The following STIL variants were observed in gnomAD, a reference collection of about 807,000 sequenced individuals.
STIL encodes SCL-interrupting locus protein.
Under a neutral mutation model 110.1 loss-of-function variants are expected in STIL, and 55 were observed. That is an observed-to-expected ratio of 0.50 (90% CI 0.40 to 0.63). The LOEUF is 0.63. STIL is among the 20% of genes least tolerant of loss of function. The probability of loss-of-function intolerance (pLI) is 0.00; values close to 1 mark genes in which losing one functional copy is unlikely to be tolerated. For synonymous variants in STIL, 481 were observed against 530.0 expected (o/e 0.91, Z 1.27); for missense variants, 1,358 against 1,530.0 (o/e 0.89, Z 1.87).
intron 2 of STIL, among the ~76,000 whole-genome samples, chr1:47,307,320 C>T (rs532934374): frequency 6.6e-6 from 1 of 152,026 alleles, no homozygotes; most frequent in Non-Finnish European, 1.5e-5. Context: ...TGTCTTGTTG[C>T]GGGAAGTCAG....
At position 47,269,875 on chromosome 1, in the gene STIL, T is replaced by C. The variant is rs748378165; in HGVS notation, c.2384-9A>G. The C allele has an allele frequency of 6.2e-7, 1 of 1,605,846 alleles. No homozygotes were observed. Among genetic ancestry groups the C allele is most frequent in the African/African-American group, 1.3e-5 (1 of 74,754 alleles). On this transcript the variant is annotated splice_polypyrimidine_tract_variant and intron_variant, in intron 13 of 16. Transcript: ENST00000371877. ...CCAAAACAAGCTAGCACCTGGAGGTTAAATAATTTAAGATACTGAAACAAA... is the reference window on the plus strand; with the variant it reads ...CCAAAACAAGCTAGCACCTGGAGGTCAAATAATTTAAGATACTGAAACAAA...
chr1:47,270,159 G>A (rs940853438), intron 13 of STIL, among the ~76,000 whole-genome samples: 2 of 150,584 alleles, frequency 1.3e-5, no homozygotes, highest in Non-Finnish European at 2.9e-5. Context: ...GATCACTTGA[G>A]CCCAGGAGGT....
rs971495958 is a variant in STIL at position 47,251,452 on chromosome 1, C to G, written c.3551G>C (p.Cys1184Ser). The G allele has an allele frequency of 1.8e-5, 29 of 1,614,078 alleles. No individual in the cohort carries two copies. The highest frequency in any genetic ancestry group is 1.6e-4 in the Middle Eastern group (1 of 6,084). ...ATCTGCGTTGGTCCCCACAGATTCA[C>G]AGTTAGAACAATTAATTATTTCATG... The part of the protein sequence containing the change: ...NDHEIINCSN[C>S]ESVGTNADTP... Residue 1184 changes from cysteine to serine, a missense_variant, in exon 17 of 17, where the codon TGT becomes TCT. By Grantham distance (112) the Cys-to-Ser change is moderately radical. Transcript: ENST00000371877.
intron 6 of STIL, among the ~76,000 whole-genome samples, chr1:47,296,883 A>G (rs1032091260): frequency 3.9e-5 from 6 of 152,244 alleles, no homozygotes; most frequent in African/African-American, 1.4e-4. Context: ...GATATATTTT[A>G]TTGCTCTAAT....
intron 12 of STIL, among the ~76,000 whole-genome samples, chr1:47,278,316 TAAAAAATGTATAA>T (rs1279695597): frequency 6.6e-6 from 1 of 152,122 alleles, no homozygotes; most frequent in African/African-American, 2.4e-5. Context: ...TATACTTATA[TAAAAAATGTATAA>T]GATACTTTTT....
intron 2 of STIL, among the ~76,000 whole-genome samples, chr1:47,307,578 A>G (rs1312054892): frequency 6.6e-6 from 1 of 152,138 alleles, no homozygotes; most frequent in Non-Finnish European, 1.5e-5. Context: ...AAGGATGTAT[A>G]TCGTCTCAGG....
chr1:47,293,542 C>A lies in STIL; in HGVS notation c.788G>T (p.Trp263Leu), dbSNP rs752431208. 1 of 1,611,348 alleles carries A rather than the reference C, an allele frequency of 6.2e-7. No individual in the cohort carries two copies. The highest frequency in any genetic ancestry group is 8.5e-7 in the Non-Finnish European group (1 of 1,178,048). ...KVYSLPLVGIWLSGITHIYSP... is the reference protein window; with the variant it reads ...KVYSLPLVGILLSGITHIYSP... ...ATAGATATGTGTAATTCCAGACAGC[C>A]AACTAAAAGAAAAAGATAGAAATTA... Residue 263 changes from tryptophan (W) to leucine (L), a missense_variant and splice_region_variant, in exon 8 of 17, where the codon TGG (tryptophan) becomes TTG (leucine). Coordinates refer to ENST00000371877, the MANE Select transcript of STIL (RefSeq NM_001048166.1).
chr1:47,271,029 A>C (rs1644820014), intron 13 of STIL, among the ~76,000 whole-genome samples: 1 of 152,090 alleles, frequency 6.6e-6, no homozygotes. Flanking sequence ...AGCTATTTGC[A>C]TGTAATATTG....
chr1:47,299,646 G>C (rs1645745482), intron 6 of STIL: 1 of 397,460 alleles, frequency 2.5e-6, no homozygotes. Flanking sequence ...GCCCGCCTAG[G>C]CCTCCCAAAG....
At chr1:47,301,480 A>G in intron 5 of STIL, 81 bp downstream of exon 5, 1 of 1,366,170 alleles carries the variant, frequency 7.3e-7, no homozygotes, top group Non-Finnish European at 1.0e-6. Flanking sequence ...ATTCTCAAAT[A>G]TGGTTTTACT....
rs762952013 is a variant in STIL at position 47,282,408 on chromosome 1, A to G, written c.1185T>C (p.Ser395=). ...SGKMPIHDHD[S]GVEDEDFSPR... Reference sequence around the variant, plus strand: ...GAGAAAAATCTTCATCTTCAACACCAGAGTCGTGATCATGTATTGGCATCT... The same window carrying G: ...GAGAAAAATCTTCATCTTCAACACCGGAGTCGTGATCATGTATTGGCATCT... Residue 395 remains serine, a synonymous_variant, in exon 11 of 17, where the codon TCT becomes TCC. Coordinates refer to ENST00000371877, the MANE Select transcript of STIL (RefSeq NM_001048166.1). 39 of 1,613,286 alleles carry G rather than the reference A, an allele frequency of 2.4e-5. No individual in the cohort carries two copies. Among genetic ancestry groups the G allele is most frequent in the African/African-American group, 4.0e-5 (3 of 74,928 alleles).
chr1:47,278,800 T>TA lies in STIL; in HGVS notation c.2217+1440dup, dbSNP rs1234942797. ...GGGCAATATAGGAAGACCTTTTCTC[T>TA]AAAAAAAAAAGTAAAAATTTTAAAA... On this transcript the variant is annotated intron_variant, in intron 12 of 16. Transcript: ENST00000371877. Among the ~76,000 whole-genome samples, 902 of 145,704 alleles carry TA rather than the reference T, an allele frequency of 6.2e-3. 4 individuals carry two copies. The highest frequency in any genetic ancestry group is 0.032 in the East Asian group (163 of 5,020).
At chr1:47,308,778 G>T (rs1316159781) in intron 2 of STIL, among the ~76,000 whole-genome samples, 1 of 152,118 alleles carries the variant, frequency 6.6e-6, no homozygotes, top group African/African-American at 2.4e-5. Context: ...ATTAGGCTGG[G>T]CACAGTGGCT....
Position 47,280,623 on chromosome 1 carries a change from A to C in STIL, c.1835T>G (p.Ile612Ser). 3 of 1,614,252 alleles carry C rather than the reference A, an allele frequency of 1.9e-6. No homozygotes were observed. Among genetic ancestry groups the C allele is most frequent in the Middle Eastern group, 3.3e-4 (2 of 6,062 alleles). The change falls in exon 12 of 17, where the codon ATT becomes AGT. Residue 612 changes from isoleucine to serine, a missense_variant. Transcript: ENST00000371877. ...CCAAGAATTTAGCGGACTATATTGA[A>C]TATGACTATGATGCTGACAACACCT... The part of the protein sequence containing the change: ...VCRCCQHHSH[I>S]QYSPLNSWQG...
At chr1:47,279,723 GTC>G (rs1392405217) in intron 12 of STIL, among the ~76,000 whole-genome samples, 27 of 99,018 alleles carry the variant, frequency 2.7e-4, no homozygotes, top group African/African-American at 1.6e-3. Flanking sequence ...AAGAGACTCC[GTC>G]TCAAAAAAAA....
intron 15 of STIL, 84 bp downstream of exon 15, chr1:47,262,819 A>G (rs1049472351): frequency 1.6e-6 from 2 of 1,237,468 alleles, no homozygotes; most frequent in Admixed American, 1.8e-5. Flanking sequence ...GGTCTCAATC[A>G]GTTTAAACCT....
At chr1:47,295,397 T>C (rs1200400705) in intron 7 of STIL, among the ~76,000 whole-genome samples, 1 of 151,858 alleles carries the variant, frequency 6.6e-6, no homozygotes, top group East Asian at 1.9e-4. Context: ...CTGGCCAACA[T>C]GGTAAAACCC....
chr1:47,263,041 T>TA lies in STIL; in HGVS notation c.2690dup (p.Ser898LysfsTer14). 6.2e-7 allele frequency: 1 copy of TA among 1,614,212 alleles called. No individual in the cohort carries two copies. The highest frequency in any genetic ancestry group is 1.7e-5 in the Admixed American group (1 of 60,016). ...TTGGTCCAGTCTGTAAACACATGCTTACACTTTCTGCCAGCTGGCCACTTG... is the reference window on the plus strand; with the variant it reads ...TTGGTCCAGTCTGTAAACACATGCTTAACACTTTCTGCCAGCTGGCCACTTG... On this transcript the variant is annotated frameshift_variant, in exon 15 of 17. Transcript: ENST00000371877. LOFTEE classifies it high-confidence loss of function.
chr1:47,300,002 T>C lies in STIL; in HGVS notation c.604A>G (p.Thr202Ala). The change falls in exon 6 of 17, where the codon ACA becomes GCA. Residue 202 changes from threonine to alanine, a missense_variant. By Grantham distance (58) the Thr-to-Ala change is moderately conservative. Coordinates refer to ENST00000371877, the MANE Select transcript of STIL (RefSeq NM_001048166.1). ...AVTLANNFKCTPVKPIPIIPT... is the reference protein window; with the variant it reads ...AVTLANNFKCAPVKPIPIIPT... ...ATAATGGGGATGGGCTTCACAGGTG[T>C]GCATTTAAAGTTATTTGCTAGAGTT... 6.2e-7 allele frequency: 1 copy of C among 1,614,164 alleles called. No homozygotes were observed. The highest frequency in any genetic ancestry group is 8.5e-7 in the Non-Finnish European group (1 of 1,180,008).
Sources: allele counts gnomAD v4.1 joint callset (sites outside exome capture counted in the v4.1 genomes callset), GRCh38; gene constraint gnomAD v4.1.1; transcripts MANE v1.5; gene names NCBI Gene and HGNC (gene_info 2026-07-23, HGNC 2026-07-21).